Variants in KCNK2 observed in about 807,000 individuals in gnomAD.
KCNK2 encodes the protein potassium two pore domain channel subfamily K member 2.
KCNK2 carries 21 observed loss-of-function variants against 40.5 expected under a neutral mutation model. The observed-to-expected ratio is 0.52, with a 90% CI of 0.37 to 0.75. The LOEUF (loss-of-function observed/expected upper bound fraction) is 0.75. Among genes scored for constraint, KCNK2 ranks in the 30% least tolerant of loss-of-function variants. KCNK2 has a pLI of 0.00. For missense variants in KCNK2, 399 were observed against 531.6 expected, an observed-to-expected ratio of 0.75 and a Z score of 2.45; for synonymous variants, 191 against 202.2, an observed-to-expected ratio of 0.94 and a Z score of 0.47.
chr1:215,040,369 C>T (rs1274689420), intron 1 of KCNK2, among the ~76,000 whole-genome samples: 1 of 152,134 alleles, frequency 6.6e-6, no homozygotes, highest in Admixed American at 6.5e-5. Flanking sequence ...TGCCCGAGGT[C>T]ACACTCCTAG....
intron 1 of KCNK2, among the ~76,000 whole-genome samples, chr1:215,076,594 AAGAGAGAGCT>A (rs1455743425): frequency 6.6e-6 from 1 of 152,152 alleles, no homozygotes; most frequent in Non-Finnish European, 1.5e-5. Context: ...AAAGAGAATC[AAGAGAGAGCT>A]AGAGAGAGCA....
intron 6 of KCNK2, among the ~76,000 whole-genome samples, chr1:215,234,373 G>A (rs1666790000): frequency 6.6e-6 from 1 of 152,090 alleles, no homozygotes; most frequent in African/African-American, 2.4e-5. Context: ...ACTAAACAAG[G>A]TCACCTGGGT....
In KCNK2 at chr1:215,083,226, G is replaced by A; in HGVS notation, c.-160G>A. The A allele has an allele frequency of 9.3e-6, 3 of 323,936 alleles. No individual in the cohort carries two copies. Among genetic ancestry groups the A allele is most frequent in the Non-Finnish European group, 1.4e-5 (3 of 208,502 alleles). 20.1% of individuals were successfully genotyped at this position (323,936 alleles called of 1,614,324 possible). A position where few individuals can be genotyped will look rare whatever the true frequency, so the allele number is the denominator to read the frequency against. ...CCCGCCCCCTCCCGCGTCCAGCCCC[G>A]CTCTCCCCACCTTGTAAAACAAAGC... On this transcript the variant is annotated 5_prime_UTR_variant, in exon 1 of 7. Transcript: ENST00000444842.
intron 3 of KCNK2, among the ~76,000 whole-genome samples, chr1:215,143,267 C>T (rs760441953): frequency 6.6e-6 from 1 of 151,938 alleles, no homozygotes; most frequent in South Asian, 2.1e-4. Flanking sequence ...GTTTTGTATC[C>T]AAGGGAAGGC....
intron 2 of KCNK2, among the ~76,000 whole-genome samples, chr1:215,111,368 G>C (rs931870407): frequency 4.6e-5 from 7 of 151,986 alleles, no homozygotes; most frequent in African/African-American, 1.7e-4. Context: ...TGTTATATAT[G>C]ACTATTATTT....
intron 3 of KCNK2, among the ~76,000 whole-genome samples, chr1:215,142,653 A>G (rs578047551): frequency 1.3e-4 from 20 of 152,238 alleles, no homozygotes; most frequent in Non-Finnish European, 2.1e-4. Flanking sequence ...ACTTGATTCA[A>G]TGTGAGCAGG....
chr1:215,070,189 T>C (rs897694345), intron 1 of KCNK2, among the ~76,000 whole-genome samples: 1 of 151,684 alleles, frequency 6.6e-6, no homozygotes, highest in African/African-American at 2.4e-5. Flanking sequence ...GGTGGGCGGA[T>C]CACAAGGTCA....
At position 215,057,465 on chromosome 1, in the gene KCNK2, A is replaced by T. The variant is rs1283890650; in HGVS notation, c.35-28903A>T. 2.0e-5 allele frequency among the ~76,000 whole-genome samples: 3 copies of T among 152,100 alleles called. No individual in the cohort carries two copies. The East Asian group carries it at 5.8e-4, about 29-fold the overall frequency. On this transcript the variant is annotated intron_variant, in intron 1 of 6. Coordinates refer to the KCNK2 transcript ENST00000391895. ...GGCAGGACCCACATGGGTGACAGTG[A>T]AATATATGGTTTCTGCCTCAATCTG...
chr1:215,181,410 G>T (rs974626225), intron 5 of KCNK2, among the ~76,000 whole-genome samples: 8 of 152,106 alleles, frequency 5.3e-5, no homozygotes, highest in African/African-American at 1.9e-4. Flanking sequence ...ATCCTTAGGT[G>T]GTGTCACTAC....
intron 1 of KCNK2, among the ~76,000 whole-genome samples, chr1:215,049,287 A>G (rs1475389592): frequency 1.3e-5 from 2 of 152,154 alleles, no homozygotes; most frequent in Non-Finnish European, 2.9e-5. Flanking sequence ...CTTACTTGCC[A>G]TCTTACATCC....
At chr1:215,173,276 A>G (rs1023864494) in intron 5 of KCNK2, among the ~76,000 whole-genome samples, 2 of 152,134 alleles carry the variant, frequency 1.3e-5, no homozygotes, top group African/African-American at 2.4e-5. Flanking sequence ...AGCTTCATCC[A>G]TGTCCCTACA....
rs1374805089 is a variant in KCNK2, at chr1:215,172,662, T to A, written c.823+479T>A. On this transcript the variant is annotated intron_variant, in intron 5 of 6. Transcript: ENST00000444842. ...GGAGCCTTCTATTATTATTTATTTA[T>A]TTATTTATTTTTGAGATAGAGTCTT... 2.0e-5 allele frequency among the ~76,000 whole-genome samples: 3 copies of A among 152,062 alleles called. No homozygotes were observed. In the East Asian group the frequency reaches 5.8e-4, roughly 29 times the overall value.
chr1:215,145,723 A>C (rs1421105174), intron 3 of KCNK2, among the ~76,000 whole-genome samples: 2 of 152,176 alleles, frequency 1.3e-5, no homozygotes, highest in Non-Finnish European at 2.9e-5. Context: ...TTATATTGGA[A>C]AAGTCTTTTA....
At position 215,083,214 on chromosome 1, in the gene KCNK2, G is replaced by GCCCC; in HGVS notation, c.-171_-170insCCCC. 3.0e-6 allele frequency: 1 copy of GCCCC among 337,578 alleles called. No individual in the cohort carries two copies. The highest frequency in any genetic ancestry group is 4.6e-6 in the Non-Finnish European group (1 of 219,136). 20.9% of individuals were successfully genotyped at this position (337,578 alleles called of 1,614,324 possible). ...CACGCTCCCCCCCCCGCCCCCTCCC[G>GCCCC]CGTCCAGCCCCGCTCTCCCCACCTT... On this transcript the variant is annotated 5_prime_UTR_variant, in exon 1 of 7. Coordinates refer to ENST00000444842, the MANE Select transcript of KCNK2 (RefSeq NM_001017425.3).
chr1:215,038,849 T>G (rs995322309), intron 1 of KCNK2, among the ~76,000 whole-genome samples: 1 of 152,098 alleles, frequency 6.6e-6, no homozygotes, highest in Non-Finnish European at 1.5e-5. Flanking sequence ...TTCTTCTATT[T>G]CTCCTCTCTC....
chr1:215,028,967 C>T (rs1432708135), intron 1 of KCNK2, among the ~76,000 whole-genome samples: 2 of 144,268 alleles, frequency 1.4e-5, no homozygotes, highest in African/African-American at 2.6e-5. Flanking sequence ...AAAAAACAGG[C>T]TTTTTTTTTT....
intron 1 of KCNK2, among the ~76,000 whole-genome samples, chr1:215,010,767 A>G (rs1487122265): frequency 2.0e-5 from 3 of 149,600 alleles, no homozygotes; most frequent in East Asian, 2.0e-4. Context: ...CTTTTCCTTC[A>G]TGTTTTTAAG....
At position 215,007,123 on chromosome 1, in the gene KCNK2, A is replaced by G. The variant is rs1056032599; in HGVS notation, c.34+1168A>G. On this transcript the variant is annotated intron_variant, in intron 1 of 6. Transcript: ENST00000391895. Reference sequence around the variant, plus strand: ...TGTATATATATGTGTGTATATATGTATATATATGTGTATATATATGTGTAT... The same window carrying G: ...TGTATATATATGTGTGTATATATGTGTATATATGTGTATATATATGTGTAT... Among the ~76,000 whole-genome samples, 14 of 118,018 alleles carry G rather than the reference A, an allele frequency of 1.2e-4. 1 individual carries two copies. In the South Asian group the frequency reaches 2.6e-3, roughly 22 times the overall value. The allele number at this position is 118,018 out of a possible 152,430, so 77.4% of individuals were successfully genotyped here.
chr1:215,010,860 TTTTTTTTTTG>T (rs1370841103), intron 1 of KCNK2, among the ~76,000 whole-genome samples: 2 of 116,042 alleles, frequency 1.7e-5, no homozygotes, highest in African/African-American at 7.0e-5. Context: ...GATTTTTTTT[TTTTTTTTTTG>T]TGTGTGTGTG....
Sources: gnomAD v4.1 joint callset for allele counts (sites outside exome capture counted in the v4.1 genomes callset) on GRCh38, gnomAD v4.1.1 for gene constraint, MANE v1.5 for transcripts, NCBI Gene and HGNC (gene_info 2026-07-23, HGNC 2026-07-21) for gene names.